The following NAF1 variants were observed in gnomAD, a reference collection of about 807,000 sequenced individuals.
NAF1 encodes nuclear assembly factor 1 ribonucleoprotein.
In NAF1, 11 loss-of-function variants were observed where a neutral mutation model predicts 40.6. That is an observed-to-expected ratio of 0.27 (90% CI 0.17 to 0.45). The LOEUF (loss-of-function observed/expected upper bound fraction) is 0.45. Among genes scored for constraint, NAF1 ranks in the 20% least tolerant of loss-of-function variants. NAF1 has a pLI of 1.00. For missense variants in NAF1, 607 were observed against 611.1 expected (o/e 0.99, Z 0.07); for synonymous variants, 260 against 228.5 (o/e 1.14, Z -1.24).
rs1730743658 is a variant in NAF1 at position 163,128,699 on chromosome 4, C to A, written c.*198G>T. On this transcript the variant is annotated 3_prime_UTR_variant, in exon 8 of 8. Transcript: ENST00000274054. ...ATTAAATATTACATAATTTAATGTT[C>A]TCCCAAGAATTTGAGCTGACATTTT... 1 of 1,123,386 alleles carries A rather than the reference C, an allele frequency of 8.9e-7. No individual in the cohort carries two copies. Among genetic ancestry groups the A allele is most frequent in the Non-Finnish European group, 1.1e-6 (1 of 891,130 alleles). 69.6% of individuals were successfully genotyped at this position (1,123,386 alleles called of 1,614,324 possible).
chr4:163,161,470 C>T (rs1469875581), intron 2 of NAF1, among the ~76,000 whole-genome samples: 1 of 151,280 alleles, frequency 6.6e-6, no homozygotes, highest in Non-Finnish European at 1.5e-5. Flanking sequence ...GAAACTCTGT[C>T]CCCCCTCACC....
intron 2 of NAF1, among the ~76,000 whole-genome samples, chr4:163,111,749 T>C (rs2110796306): frequency 6.6e-6 from 1 of 152,318 alleles, no homozygotes; most frequent in African/African-American, 2.4e-5. Flanking sequence ...CGCTAGTGTT[T>C]TGTTCTAGGT....
chr4:163,140,432 GAA>G, intron 4 of NAF1, 49 bp from the exon 5 acceptor site: 1 of 1,496,150 alleles, frequency 6.7e-7, no homozygotes, highest in South Asian at 1.2e-5. Flanking sequence ...ATAACTATTT[GAA>G]AAGTCAGCAG....
At position 163,140,257 on chromosome 4, in the gene NAF1, A is replaced by G; in HGVS notation, c.844T>C (p.Phe282Leu). Residue 282 changes from phenylalanine to leucine, a missense_variant, in exon 5 of 8, where the codon TTC (phenylalanine) becomes CTC (leucine). Phe to Leu is a conservative substitution (Grantham distance 22). Transcript: ENST00000274054. ...TMYFAPSMKD[F>L]TQYIFTEKLK... ...TTTTCTGTGAATATATATTGAGTGA[A>G]ATCTTTCATTGATGGAGCAAAATAC... 1 of 1,606,208 alleles carries G rather than the reference A, an allele frequency of 6.2e-7. No individual in the cohort carries two copies. The highest frequency in any genetic ancestry group is 8.5e-7 in the Non-Finnish European group (1 of 1,177,494).
chr4:163,140,042 A>G (rs1054356371), intron 5 of NAF1, among the ~76,000 whole-genome samples, 181 bp downstream of exon 5: 5 of 152,130 alleles, frequency 3.3e-5, no homozygotes, highest in African/African-American at 9.7e-5. Context: ...TTTACAAAAG[A>G]TATGAATTCT....
chr4:163,155,118 A>C (rs913354897), intron 2 of NAF1, among the ~76,000 whole-genome samples: 3 of 152,200 alleles, frequency 2.0e-5, no homozygotes, highest in Non-Finnish European at 4.4e-5. Flanking sequence ...TATGAATGCC[A>C]AATGTCACCA....
intron 2 of NAF1, among the ~76,000 whole-genome samples, chr4:163,116,308 G>A (rs1730336707): frequency 6.6e-6 from 1 of 152,072 alleles, no homozygotes; most frequent in South Asian, 2.1e-4. Context: ...TCCTTATTAT[G>A]GAATTTTGAG....
rs79511972 is a variant in NAF1, at chr4:163,112,216, C to G, written c.115-1926G>C. 8.2e-3 allele frequency among the ~76,000 whole-genome samples: 1,241 copies of G among 152,160 alleles called. 19 individuals carry two copies. Among genetic ancestry groups the G allele is most frequent in the African/African-American group, 0.027 (1,137 of 41,516 alleles). On this transcript the variant is annotated intron_variant, in intron 2 of 2. Transcript: ENST00000509434. ...GGGAGAAAAATTGCTAGAGTTCTCT[C>G]TCTCAGTAAGCAAAGACAGTACACA...
intron 2 of NAF1, among the ~76,000 whole-genome samples, chr4:163,163,494 G>GA (rs914684765): frequency 6.6e-6 from 1 of 151,734 alleles, no homozygotes; most frequent in African/African-American, 2.4e-5. Flanking sequence ...TGCAGGGGTA[G>GA]AAAAAAAACA....
downstream of NAF1, among the ~76,000 whole-genome samples, chr4:163,123,711 A>G (rs951787451): frequency 6.6e-6 from 1 of 152,210 alleles, no homozygotes; most frequent in Non-Finnish European, 1.5e-5. Context: ...TAAAACAAAT[A>G]TATTAGCTTA....
intron 2 of NAF1, among the ~76,000 whole-genome samples, chr4:163,163,338 TTCATG>T (rs1385132610): frequency 6.6e-6 from 1 of 152,176 alleles, no homozygotes; most frequent in Non-Finnish European, 1.5e-5. Context: ...GCAGAATCCA[TTCATG>T]AAAAAGGCTC....
chr4:163,127,675 T>TTA (rs1479706891), downstream of NAF1, among the ~76,000 whole-genome samples: 1 of 152,192 alleles, frequency 6.6e-6, no homozygotes, highest in East Asian at 1.9e-4. Flanking sequence ...ACTCATATGA[T>TTA]AAAGTTAAGG....
chr4:163,107,136 GCCA>G (rs2110781022), downstream of NAF1, among the ~76,000 whole-genome samples: 1 of 152,192 alleles, frequency 6.6e-6, no homozygotes, highest in African/African-American at 2.4e-5. Context: ...ACAGGCACCT[GCCA>G]CCACACCTGG....
At chr4:163,141,602 C>T (rs78766489) in intron 4 of NAF1, among the ~76,000 whole-genome samples, 6,268 of 152,194 alleles carry the variant, frequency 0.041, 161 homozygotes, top group East Asian at 0.064. Context: ...GACATTTAGG[C>T]AGCTTCCAAT....
At chr4:163,141,158 G>T (rs924443180) in intron 4 of NAF1, among the ~76,000 whole-genome samples, 2 of 152,026 alleles carry the variant, frequency 1.3e-5, no homozygotes, top group African/African-American at 2.4e-5. Context: ...TGAGGTCAGG[G>T]GTTCAAGACC....
At chr4:163,163,555 G>C (rs931200309) in intron 2 of NAF1, among the ~76,000 whole-genome samples, 1 of 151,976 alleles carries the variant, frequency 6.6e-6, no homozygotes, top group Non-Finnish European at 1.5e-5. Context: ...TTTCCTCTTG[G>C]GTCATAGGTT....
chr4:163,117,617 G>A (rs1730379164), intron 2 of NAF1: 1 of 150,248 alleles, frequency 6.7e-6, no homozygotes, highest in African/African-American at 2.5e-5. Flanking sequence ...ACCAGAAAGG[G>A]AAAGCAAATG....
chr4:163,151,661 T>C (rs535479414), intron 2 of NAF1, among the ~76,000 whole-genome samples: 152 of 152,294 alleles, frequency 1.0e-3, no homozygotes, highest in African/African-American at 3.5e-3. Flanking sequence ...ATATTTGAGA[T>C]GACGGGCTAG....
chr4:163,122,892 T>A (rs1730555520), downstream of NAF1, among the ~76,000 whole-genome samples: 2 of 152,228 alleles, frequency 1.3e-5, no homozygotes, highest in South Asian at 4.1e-4. Flanking sequence ...TCATTATACA[T>A]TACCCAGTCT....
Sources: allele counts gnomAD v4.1 joint callset (sites outside exome capture counted in the v4.1 genomes callset), GRCh38; gene constraint gnomAD v4.1.1; transcripts MANE v1.5; gene names NCBI Gene and HGNC (gene_info 2026-07-23, HGNC 2026-07-21).